Variants in ZNF33A observed in about 807,000 individuals in gnomAD.
ZNF33A encodes brain my041 protein.
Under a neutral mutation model 15.9 loss-of-function variants are expected in ZNF33A, and 9 were observed. That is an observed-to-expected ratio of 0.57 (90% CI 0.34 to 0.99). The LOEUF is 0.99. ZNF33A is among the 50% of genes least tolerant of loss of function. ZNF33A has a pLI of 0.02. For synonymous variants in ZNF33A, 294 were observed against 324.2 expected, an observed-to-expected ratio of 0.91 and a Z score of 1.00; for missense variants, 843 against 941.6, an observed-to-expected ratio of 0.90 and a Z score of 1.37.
chr10:38,052,606 A>G (rs1007569686), intron 4 of ZNF33A, among the ~76,000 whole-genome samples: 4 of 152,154 alleles, frequency 2.6e-5, no homozygotes, highest in African/African-American at 9.7e-5. Context: ...ACGTAATTCT[A>G]AACTTTATGT....
At chr10:38,049,342 C>G (rs1176011187) in intron 4 of ZNF33A, among the ~76,000 whole-genome samples, 2 of 152,006 alleles carry the variant, frequency 1.3e-5, no homozygotes, top group Non-Finnish European at 2.9e-5. Context: ...GATCCTTACT[C>G]CTTTTTTCTA....
At chr10:38,027,284 T>A (rs1196055529) in intron 4 of ZNF33A, among the ~76,000 whole-genome samples, 1 of 152,148 alleles carries the variant, frequency 6.6e-6, no homozygotes, top group African/African-American at 2.4e-5. Context: ...TTACTGGAAT[T>A]TTTGTGTGTG....
At chr10:38,049,413 T>C (rs2066096946) in intron 4 of ZNF33A, among the ~76,000 whole-genome samples, 1 of 152,070 alleles carries the variant, frequency 6.6e-6, no homozygotes, top group South Asian at 2.1e-4. Context: ...CCTGAGGTCA[T>C]TGATTTGAGA....
intron 4 of ZNF33A, among the ~76,000 whole-genome samples, chr10:38,032,421 G>A (rs1275006249): frequency 6.6e-6 from 1 of 152,052 alleles, no homozygotes; most frequent in Non-Finnish European, 1.5e-5. Flanking sequence ...TGTATTTGCA[G>A]GATTGTGCAA....
chr10:38,023,403 T>C (rs769039770), intron 4 of ZNF33A, among the ~76,000 whole-genome samples: 3 of 152,162 alleles, frequency 2.0e-5, no homozygotes, highest in Non-Finnish European at 2.9e-5. Flanking sequence ...ATGTAAAAAG[T>C]ATACACCATA....
At chr10:38,029,896 T>A (rs2065139406) in intron 4 of ZNF33A, among the ~76,000 whole-genome samples, 1 of 152,024 alleles carries the variant, frequency 6.6e-6, no homozygotes, top group South Asian at 2.1e-4. Context: ...AATGGGAGTA[T>A]CAATGTGAGA....
downstream of ZNF33A, chr10:38,064,147 T>G: frequency 1.3e-6 from 2 of 1,588,472 alleles, no homozygotes; most frequent in East Asian, 2.3e-5. Flanking sequence ...AAGAGGACTC[T>G]GCACTGCCTG....
intron 4 of ZNF33A, among the ~76,000 whole-genome samples, chr10:38,022,670 A>AAC (rs1241102333): frequency 2.6e-5 from 4 of 151,610 alleles, no homozygotes; most frequent in Non-Finnish European, 5.9e-5. Flanking sequence ...AAAAAAAAAA[A>AAC]AAAAAAAATG....
At chr10:38,012,854 C>T (rs1302626490) in intron 2 of ZNF33A, among the ~76,000 whole-genome samples, 2 of 152,158 alleles carry the variant, frequency 1.3e-5, no homozygotes, top group African/African-American at 4.8e-5. Context: ...TCGTATGTTT[C>T]TTACGTTTCC....
chr10:38,036,530 T>C (rs1000418288), intron 4 of ZNF33A, among the ~76,000 whole-genome samples: 1 of 152,132 alleles, frequency 6.6e-6, no homozygotes, highest in Non-Finnish European at 1.5e-5. Context: ...CAAGAAGCAT[T>C]TGATAAAATC....
chr10:38,039,798 A>G (rs187043480), intron 4 of ZNF33A, among the ~76,000 whole-genome samples: 2 of 151,746 alleles, frequency 1.3e-5, no homozygotes, highest in African/African-American at 2.4e-5. Flanking sequence ...ATGTCAGTCT[A>G]GCTAGAGGTT....
chr10:38,057,569 T>G lies in ZNF33A; in HGVS notation c.*1009T>G. The stretch of plus-strand genomic sequence containing the variant: ...AGATGTTTGTGATGTCCTGAAACAA[T>G]TTAAAAGGAGACCCACAGAGCTAAT... On this transcript the variant is annotated 3_prime_UTR_variant, in exon 5 of 5. Coordinates refer to ENST00000432900, the MANE Select transcript of ZNF33A (RefSeq NM_006954.2). The G allele has an allele frequency of 1.0e-6, 1 of 984,582 alleles. No homozygotes were observed. The allele number at this position is 984,582 out of a possible 1,614,324, so 61.0% of individuals were successfully genotyped here. A position where few individuals can be genotyped will look rare whatever the true frequency, so the allele number is the denominator to read the frequency against.
chr10:38,063,238 T>C (rs543728732), downstream of ZNF33A, among the ~76,000 whole-genome samples: 1 of 152,048 alleles, frequency 6.6e-6, no homozygotes, highest in African/African-American at 2.4e-5. Flanking sequence ...CACAAATGAA[T>C]GAAGGAACTG....
chr10:38,017,000 A>C lies in ZNF33A; in HGVS notation c.139A>C (p.Asn47His). The part of the protein sequence containing the change: ...YRDVMLENYS[N>H]LVSVGYCVHK... The stretch of plus-strand genomic sequence containing the variant: ...AGATGTGATGCTGGAGAACTACAGC[A>C]ACCTTGTCTCAGTGGGTAAGGTCTG... The change falls in exon 3 of 5, where the codon AAC becomes CAC. Residue 47 changes from asparagine (N) to histidine (H), a missense_variant. Asn to His is a moderately conservative substitution (Grantham distance 68, BLOSUM62 1). Coordinates refer to ENST00000432900, the MANE Select transcript of ZNF33A (RefSeq NM_006954.2). 1 of 1,606,040 alleles carries C rather than the reference A, an allele frequency of 6.2e-7. No homozygotes were observed. Among genetic ancestry groups the C allele is most frequent in the South Asian group, 1.1e-5 (1 of 89,738 alleles).
chr10:38,040,063 T>C (rs2065627856), intron 4 of ZNF33A, among the ~76,000 whole-genome samples: 2 of 152,096 alleles, frequency 1.3e-5, no homozygotes, highest in South Asian at 4.1e-4. Flanking sequence ...TCTTCATTTT[T>C]ATCTCAAAGC....
At position 38,055,787 on chromosome 10, in the gene ZNF33A, T is replaced by A; in HGVS notation, c.1663T>A (p.Cys555Ser). 1 of 1,585,732 alleles carries A rather than the reference T, an allele frequency of 6.3e-7. No individual in the cohort carries two copies. Among genetic ancestry groups the A allele is most frequent in the Non-Finnish European group, 8.6e-7 (1 of 1,161,708 alleles). ...ACACACAGGGCAGAAACCCTTTGCA[T>A]GTCCCGAATGTGGGAAATTCTTTAG... ...RTHTGQKPFA[C>S]PECGKFFSHK... is the part of the protein sequence containing the mutation. The change falls in exon 5 of 5, where the codon TGT becomes AGT. Residue 555 changes from cysteine (C) to serine (S), a missense_variant. Transcript: ENST00000432900.
In ZNF33A at chr10:38,059,444, T is replaced by C; in HGVS notation, c.*2884T>C. ...TGTTCACAAGTAACATGATTGTCTT[T>C]GTAGAGAATTCTAAATAACAAAAAC... On this transcript the variant is annotated 3_prime_UTR_variant, in exon 5 of 5. Transcript: ENST00000432900. The C allele has an allele frequency of 6.6e-6, 1 of 152,332 alleles. No individual in the cohort carries two copies. The highest frequency in any genetic ancestry group is 2.1e-4 in the South Asian group (1 of 4,834). The allele number at this position is 152,332 out of a possible 1,614,324, so 9.4% of individuals were successfully genotyped here.
chr10:38,058,069 C>T lies in ZNF33A; in HGVS notation c.*1509C>T, dbSNP rs1370115124. ...TATACAGTCTAGTGATCCTAGATTA[C>T]ACAAGTAATCTAAGCTTCCACTTTA... On this transcript the variant is annotated 3_prime_UTR_variant, in exon 5 of 5. Transcript: ENST00000432900. The T allele has an allele frequency of 4.1e-6, 4 of 981,692 alleles. No individual in the cohort carries two copies. The highest frequency in any genetic ancestry group is 4.8e-6 in the Non-Finnish European group (4 of 826,828). 60.8% of individuals were successfully genotyped at this position (981,692 alleles called of 1,614,324 possible).
At chr10:38,047,738 A>C (rs2066017657) in intron 4 of ZNF33A, among the ~76,000 whole-genome samples, 1 of 151,370 alleles carries the variant, frequency 6.6e-6, no homozygotes, top group South Asian at 2.1e-4. Flanking sequence ...GTAAAAGGAA[A>C]GTGGGAAAAG....
Sources: gnomAD v4.1 joint callset for allele counts (sites outside exome capture counted in the v4.1 genomes callset) on GRCh38, gnomAD v4.1.1 for gene constraint, MANE v1.5 for transcripts, NCBI Gene and HGNC (gene_info 2026-07-23, HGNC 2026-07-21) for gene names.